ADAM28: variants seen among roughly 807,000 people sequenced by gnomAD.
ADAM28 encodes disintegrin and metalloproteinase domain-containing protein 28.
A neutral mutation model predicts 101.2 loss-of-function variants in ADAM28; 105 were observed. The observed-to-expected ratio is 1.04, with a 90% CI of 0.89 to 1.22. The LOEUF (loss-of-function observed/expected upper bound fraction) is 1.22, where lower values mean the gene tolerates loss of function less well. ADAM28 is among the 50% of genes most tolerant of loss of function. ADAM28 has a pLI of 0.00. For synonymous variants in ADAM28, 322 were observed against 310.6 expected, an observed-to-expected ratio of 1.04 and a Z score of -0.39; for missense variants, 1,028 against 945.4, an observed-to-expected ratio of 1.09 and a Z score of -1.15.
chr8:24,328,679 G>A (rs1812946762), intron 10 of ADAM28, among the ~76,000 whole-genome samples: 1 of 152,016 alleles, frequency 6.6e-6, no homozygotes, highest in African/African-American at 2.4e-5. Flanking sequence ...TGTAATCCCA[G>A]CACTTTCGAA....
rs377486317 is a variant in ADAM28, at chr8:24,329,869, TTGTG to T, written c.973-101_973-98del. On this transcript the variant is annotated intron_variant, in intron 10 of 22. Transcript: ENST00000265769. ...GCTCTGTGTGTGTGTGTGTGTGTGT[TTGTG>T]TGTGTGTGTGTGTGAGAGAGAGAGA... 649 of 505,912 alleles carry T rather than the reference TTGTG, an allele frequency of 1.3e-3. 2 individuals are homozygous for T. The highest frequency in any genetic ancestry group is 3.5e-3 in the Admixed American group (108 of 31,078). The allele number at this position is 505,912 out of a possible 1,614,324, so 31.3% of individuals were successfully genotyped here. A position where few individuals can be genotyped will look rare whatever the true frequency, so the allele number is the denominator to read the frequency against.
At chr8:24,305,820 A>G (rs950021218) in intron 2 of ADAM28, among the ~76,000 whole-genome samples, 4 of 151,730 alleles carry the variant, frequency 2.6e-5, no homozygotes, top group Non-Finnish European at 5.9e-5. Flanking sequence ...TGGAATGAGC[A>G]CTGAATGCTT....
chr8:24,311,543 T>A (rs1045339464), intron 5 of ADAM28, 106 bp downstream of exon 5: 1 of 818,958 alleles, frequency 1.2e-6, no homozygotes, highest in Non-Finnish European at 1.8e-6. Flanking sequence ...TATAGTTGAA[T>A]ATAAATCATA....
intron 8 of ADAM28, 77 bp from the exon 9 acceptor site, chr8:24,323,757 T>A: frequency 7.1e-7 from 1 of 1,406,424 alleles, no homozygotes; most frequent in African/African-American, 1.5e-5. Context: ...TGTTTAAAAA[T>A]ACAAAATATA....
intron 2 of ADAM28, among the ~76,000 whole-genome samples, chr8:24,309,130 C>A (rs1810091336): frequency 6.6e-6 from 1 of 152,120 alleles, no homozygotes; most frequent in African/African-American, 2.4e-5. Context: ...TCTGTGTAGT[C>A]CTCAATAGCT....
intron 2 of ADAM28, among the ~76,000 whole-genome samples, chr8:24,300,480 G>A (rs6992028): frequency 0.031 from 4,762 of 151,934 alleles, 239 homozygotes; most frequent in African/African-American, 0.11. Flanking sequence ...GCAGTGGTGT[G>A]ATCTTGGCTC....
At chr8:24,313,817 G>C (rs1810806067) in intron 6 of ADAM28, among the ~76,000 whole-genome samples, 1 of 150,842 alleles carries the variant, frequency 6.6e-6, no homozygotes, top group Admixed American at 6.6e-5. Flanking sequence ...TAGTGCAATG[G>C]TGTGATCTTG....
chr8:24,305,753 G>T (rs898129589), intron 2 of ADAM28, among the ~76,000 whole-genome samples: 1 of 151,946 alleles, frequency 6.6e-6, no homozygotes, highest in Admixed American at 6.6e-5. Flanking sequence ...GTTCTCTCCT[G>T]CTCCCTTTGG....
At chr8:24,307,474 G>T (rs1809852095) in intron 2 of ADAM28, among the ~76,000 whole-genome samples, 1 of 152,038 alleles carries the variant, frequency 6.6e-6, no homozygotes, top group African/African-American at 2.4e-5. Context: ...AAAAATTTTT[G>T]GGGGCTGGGA....
intron 2 of ADAM28, among the ~76,000 whole-genome samples, chr8:24,304,356 T>A (rs189738616): frequency 3.2e-4 from 48 of 151,860 alleles, no homozygotes; most frequent in African/African-American, 1.0e-3. Flanking sequence ...AACCTTACAT[T>A]TTCCTGATCC....
chr8:24,332,866 A>G lies in ADAM28; in HGVS notation c.1371+117A>G, dbSNP rs183621533. 2.7e-3 allele frequency: 1,392 copies of G among 513,888 alleles called. 16 individuals carry two copies. Among genetic ancestry groups the G allele is most frequent in the Admixed American group, 0.022 (501 of 23,166 alleles). The allele number at this position is 513,888 out of a possible 1,614,324, so 31.8% of individuals were successfully genotyped here. A position where few individuals can be genotyped will look rare whatever the true frequency, so the allele number is the denominator to read the frequency against. On this transcript the variant is annotated intron_variant, in intron 13 of 22. Transcript: ENST00000265769. The stretch of plus-strand genomic sequence containing the variant: ...TATTTTTCTTTATATAAAATGATAT[A>G]TTTACTATTTATGAAGCACTTACTC...
intron 6 of ADAM28, among the ~76,000 whole-genome samples, chr8:24,319,662 ATCCAC>A (rs945622055): frequency 7.2e-5 from 11 of 151,764 alleles, no homozygotes; most frequent in African/African-American, 2.7e-4. Flanking sequence ...CAATGAGTCA[ATCCAC>A]TATGTAACTT....
At chr8:24,308,152 A>G (rs1267203373) in intron 2 of ADAM28, among the ~76,000 whole-genome samples, 1 of 152,120 alleles carries the variant, frequency 6.6e-6, no homozygotes, top group Non-Finnish European at 1.5e-5. Flanking sequence ...GTAAAACCAA[A>G]ATCATTTCCT....
intron 19 of ADAM28, 28 bp downstream of exon 19, chr8:24,350,000 G>T (rs1044338521): frequency 6.2e-7 from 1 of 1,600,042 alleles, no homozygotes; most frequent in Non-Finnish European, 8.6e-7. Context: ...CTTGCTGTAG[G>T]GACTCTTTGA....
Position 24,355,068 on chromosome 8 carries a change from C to T in ADAM28, c.*664C>T, listed in dbSNP as rs1816586929. ...ATAAACCAGGTTGCGAACTGGTGAC[C>T]TGTAGGCCATGTTTGCACTGCAAAT... On this transcript the variant is annotated 3_prime_UTR_variant, in exon 23 of 23. Transcript: ENST00000265769. 2 of 152,488 alleles carry T rather than the reference C, an allele frequency of 1.3e-5. No individual in the cohort carries two copies. The highest frequency in any genetic ancestry group is 2.4e-5 in the African/African-American group (1 of 41,402). 9.4% of individuals were successfully genotyped at this position (152,488 alleles called of 1,614,324 possible).
In ADAM28 at chr8:24,343,514, C is replaced by T. The variant is rs764311974; in HGVS notation, c.1920C>T (p.Asp640=). 18 of 1,613,706 alleles carry T rather than the reference C, an allele frequency of 1.1e-5. No homozygotes were observed. Among genetic ancestry groups the T allele is most frequent in the Non-Finnish European group, 1.4e-5 (17 of 1,179,796 alleles). ...SSKCKGHAVC[D]HELQCQCEEG... The stretch of plus-strand genomic sequence containing the variant: ...GATCATTGCTCCCCTAGGTGTGTGA[C>T]CATGAGCTCCAGTGTCAATGTGAGG... Residue 640 remains aspartate (D), a synonymous_variant, in exon 18 of 23, where the codon GAC becomes GAT. Coordinates refer to ENST00000265769, the MANE Select transcript of ADAM28 (RefSeq NM_014265.6).
In ADAM28 at chr8:24,301,968, T is replaced by C. The variant is rs143073489; in HGVS notation, c.150+1891T>C. On this transcript the variant is annotated intron_variant, in intron 2 of 22. Coordinates refer to ENST00000265769, the MANE Select transcript of ADAM28 (RefSeq NM_014265.6). ...ATTCTATTTTAAGTTCTGGGATACATGTGCAGAATGTGCAGGTTTGTTACA... is the reference window on the plus strand; with the variant it reads ...ATTCTATTTTAAGTTCTGGGATACACGTGCAGAATGTGCAGGTTTGTTACA... 2.4e-3 allele frequency among the ~76,000 whole-genome samples: 367 copies of C among 152,324 alleles called. 1 individual carries two copies. Among genetic ancestry groups the C allele is most frequent in the African/African-American group, 8.4e-3 (348 of 41,564 alleles).
At chr8:24,298,481 T>C (rs934025005) in intron 1 of ADAM28, among the ~76,000 whole-genome samples, 1 of 152,176 alleles carries the variant, frequency 6.6e-6, no homozygotes, top group African/African-American at 2.4e-5. Context: ...AAACAATGTT[T>C]TGCTCTGTGG....
Position 24,323,887 on chromosome 8 carries a change from T to C in ADAM28, c.774T>C (p.Thr258=), listed in dbSNP as rs1307254537. 1.1e-5 allele frequency: 18 copies of C among 1,612,096 alleles called. No individual in the cohort carries two copies. Among genetic ancestry groups the C allele is most frequent in the Admixed American group, 1.7e-5 (1 of 59,792 alleles). ...HVALVGMEIW[T]DKDKIKITPN... ...CCTTAGTTGGTATGGAAATCTGGACTGACAAGGATAAGATAAAGATAACCC... is the reference window on the plus strand; with the variant it reads ...CCTTAGTTGGTATGGAAATCTGGACCGACAAGGATAAGATAAAGATAACCC... The change falls in exon 9 of 23, where the codon ACT becomes ACC. Residue 258 remains threonine (T), a synonymous_variant. Transcript: ENST00000265769.
Sources: allele counts gnomAD v4.1 joint callset (sites outside exome capture counted in the v4.1 genomes callset), GRCh38; gene constraint gnomAD v4.1.1; transcripts MANE v1.5; gene names NCBI Gene and HGNC (gene_info 2026-07-23, HGNC 2026-07-21).